The following MYO1A variants were observed in gnomAD, a reference collection of about 807,000 sequenced individuals.
MYO1A encodes myosin IA, also known as unconventional myosin-Ia.
A neutral mutation model predicts 138.5 loss-of-function variants in MYO1A; 127 were observed. The observed-to-expected ratio is 0.92, with a 90% CI of 0.79 to 1.06. MYO1A has a LOEUF of 1.06. Among genes scored for constraint, MYO1A ranks in the 50% least tolerant of loss-of-function variants. The pLI is 0.00. For missense variants in MYO1A, 1,211 were observed against 1,288.8 expected, an observed-to-expected ratio of 0.94 and a Z score of 0.92; for synonymous variants, 477 against 497.5, an observed-to-expected ratio of 0.96 and a Z score of 0.55.
At chr12:57,030,984 C>A in intron 23 of MYO1A, 56 bp downstream of exon 23, 1 of 1,601,496 alleles carries the variant, frequency 6.2e-7, no homozygotes, top group Non-Finnish European at 8.5e-7. Context: ...AGAGGAAAAT[C>A]AGGGGGAGGG....
chr12:57,035,036 G>A (rs1483646118), intron 22 of MYO1A, among the ~76,000 whole-genome samples: 4 of 152,040 alleles, frequency 2.6e-5, no homozygotes, highest in Non-Finnish European at 5.9e-5. Context: ...TTACAGTCAA[G>A]GCAGTGGCAA....
At position 57,046,897 on chromosome 12, in the gene MYO1A, G is replaced by A. The variant is rs1330815152; in HGVS notation, c.507C>T (p.Phe169=). 3 of 1,614,130 alleles carry A rather than the reference G, an allele frequency of 1.9e-6. No homozygotes were observed. The highest frequency in any genetic ancestry group is 1.1e-5 in the South Asian group (1 of 91,076). ...FGKYMDIEFD[F]KGSPLGGVIT... ...TGACACCACCGAGGGGGGATCCCTT[G>A]AAGTCAAATTCAATATCCATGTATT... The change falls in exon 7 of 28, where the codon TTC becomes TTT. Residue 169 remains phenylalanine, a synonymous_variant. Transcript: ENST00000300119.
chr12:57,031,476 G>A (rs2030283048), intron 22 of MYO1A, among the ~76,000 whole-genome samples: 1 of 152,160 alleles, frequency 6.6e-6, no homozygotes, highest in South Asian at 2.1e-4. Context: ...TGGTCTCAAA[G>A]TTTTGCTCCT....
intron 16 of MYO1A, 28 bp downstream of exon 16, chr12:57,038,781 T>C (rs2030714614): frequency 6.2e-7 from 1 of 1,613,942 alleles, no homozygotes; most frequent in African/African-American, 1.3e-5. Flanking sequence ...TGAGCCCTAA[T>C]CTCTGCCCTC....
chr12:57,034,897 C>T (rs138851352), intron 22 of MYO1A, among the ~76,000 whole-genome samples: 13,749 of 151,790 alleles, frequency 0.091, 657 homozygotes, highest in East Asian at 0.18. Flanking sequence ...ACCTGGGAGG[C>T]GGAGGTTGCA....
Position 57,030,250 on chromosome 12 carries a change from T to C in MYO1A, c.2551A>G (p.Ser851Gly), listed in dbSNP as rs1451730202. 2 of 1,614,038 alleles carry C rather than the reference T, an allele frequency of 1.2e-6. No homozygotes were observed. The highest frequency in any genetic ancestry group is 2.7e-5 in the African/African-American group (2 of 74,944). ...VEILREKLCA[S>G]ELFKGKKASY... ...GCCTTCTTGCCCTTGAACAGTTCAC[T>C]GGCACAGAGCTTTTCCCTCAGGATC... The change falls in exon 24 of 28, where the codon AGT (serine) becomes GGT (glycine). Residue 851 changes from serine (S) to glycine (G), a missense_variant. Coordinates refer to ENST00000300119, the MANE Select transcript of MYO1A (RefSeq NM_005379.4).
At chr12:57,034,129 G>T (rs1279854739) in intron 22 of MYO1A, among the ~76,000 whole-genome samples, 1 of 152,170 alleles carries the variant, frequency 6.6e-6, no homozygotes, top group African/African-American at 2.4e-5. Context: ...TCTGCCTAGG[G>T]CCATGGGTTG....
chr12:57,048,216 C>T lies in MYO1A; in HGVS notation c.108G>A (p.Glu36=). The T allele has an allele frequency of 6.2e-7, 1 of 1,613,300 alleles. No individual in the cohort carries two copies. Among genetic ancestry groups the T allele is most frequent in the Non-Finnish European group, 8.5e-7 (1 of 1,179,390 alleles). ...GCACCCATATGACACTCACATAAAT[C>T]TCCTTGTTTTCATAGCGAAGCTGAA... ...KNLQLRYENK[E]IYTYIGNVVI... Residue 36 remains glutamate, a synonymous_variant, in exon 2 of 28, where the codon GAG becomes GAA. Transcript: ENST00000300119.
intron 22 of MYO1A, among the ~76,000 whole-genome samples, chr12:57,032,593 G>C (rs1040342933): frequency 2.0e-5 from 3 of 152,156 alleles, no homozygotes; most frequent in Non-Finnish European, 4.4e-5. Flanking sequence ...TGAGACAGGA[G>C]AATCGCTTGA....
chr12:57,037,809 C>T (rs2030634920), intron 18 of MYO1A, 60 bp downstream of exon 18: 1 of 1,581,146 alleles, frequency 6.3e-7, no homozygotes, highest in South Asian at 1.1e-5. Flanking sequence ...AGGTCTCTTC[C>T]CCCAGAGATG....
chr12:57,028,590 G>T lies in MYO1A; in HGVS notation c.*165C>A. On this transcript the variant is annotated 3_prime_UTR_variant, in exon 28 of 28. Coordinates refer to ENST00000300119, the MANE Select transcript of MYO1A (RefSeq NM_005379.4). The stretch of plus-strand genomic sequence containing the variant: ...GTTGGAGGAAGCTACTTTTGGAGGA[G>T]AGAACAAGAAGGGTTTGGGACAAGG... The T allele has an allele frequency of 1.1e-6, 1 of 892,710 alleles. No individual in the cohort carries two copies. The highest frequency in any genetic ancestry group is 1.7e-6 in the Non-Finnish European group (1 of 593,078). 55.3% of individuals were successfully genotyped at this position (892,710 alleles called of 1,614,324 possible). A position where few individuals can be genotyped will look rare whatever the true frequency, so the allele number is the denominator to read the frequency against.
chr12:57,047,256 C>T, intron 5 of MYO1A, 47 bp downstream of exon 5: 2 of 1,592,956 alleles, frequency 1.3e-6, no homozygotes, highest in Non-Finnish European at 1.7e-6. Context: ...CTCAGTGATT[C>T]TGGGGGTTAG....
chr12:57,031,232 A>C (rs967621192), intron 22 of MYO1A, 58 bp from the exon 23 acceptor site: 52 of 1,603,922 alleles, frequency 3.2e-5, no homozygotes, highest in Non-Finnish European at 4.2e-5. Context: ...CCTGACAGGC[A>C]AACTGGCACC....
chr12:57,039,180 G>T, intron 15 of MYO1A, 32 bp downstream of exon 15: 2 of 1,605,398 alleles, frequency 1.2e-6, no homozygotes, highest in Non-Finnish European at 1.7e-6. Flanking sequence ...TCTGGAAGGG[G>T]AAGTCCCACA....
chr12:57,029,014 C>T, intron 27 of MYO1A, 118 bp downstream of exon 27: 2 of 1,596,542 alleles, frequency 1.3e-6, no homozygotes, highest in Non-Finnish European at 1.7e-6. Context: ...GCCTGAGAAA[C>T]ACCTCCAAGC....
intron 21 of MYO1A, 149 bp downstream of exon 21, chr12:57,036,623 A>C (rs1002569318): frequency 1.9e-5 from 20 of 1,046,794 alleles, no homozygotes; most frequent in Non-Finnish European, 2.8e-5. Context: ...CAGGCCTCTC[A>C]CTCCCAGACA....
chr12:57,042,827 T>C (rs2030916107), intron 12 of MYO1A, among the ~76,000 whole-genome samples: 1 of 152,166 alleles, frequency 6.6e-6, no homozygotes, highest in Non-Finnish European at 1.5e-5. Flanking sequence ...AAATTGAAAG[T>C]CCACATGACT....
chr12:57,037,466 C>A, intron 19 of MYO1A, 82 bp downstream of exon 19: 2 of 1,220,442 alleles, frequency 1.6e-6, no homozygotes, highest in Non-Finnish European at 2.4e-6. Context: ...AGGTTATACA[C>A]GCTCCCTCCC....
chr12:57,045,243 A>C (rs1245645522), intron 8 of MYO1A, among the ~76,000 whole-genome samples: 1 of 152,062 alleles, frequency 6.6e-6, no homozygotes, highest in African/African-American at 2.4e-5. Flanking sequence ...GAATGATCAA[A>C]GCTGTTTCCC....
Sources: gnomAD v4.1 joint callset for allele counts (sites outside exome capture counted in the v4.1 genomes callset) on GRCh38, gnomAD v4.1.1 for gene constraint, MANE v1.5 for transcripts, NCBI Gene and HGNC (gene_info 2026-07-23, HGNC 2026-07-21) for gene names.